Variants in BLTP2 observed in about 807,000 individuals in gnomAD.
The protein encoded by BLTP2 is bridge-like lipid transfer protein family member 2.
At chr17:28,616,368 A>G in the BLTP2 span, 1 of 1,614,144 alleles carries the variant, frequency 6.2e-7, no homozygotes, top group East Asian at 2.2e-5. This position sits in a 1 kb window ranked among gnomAD's most constrained non-coding sequence, Gnocchi z 4.8. Context: ...CATCAGGGGC[A>G]TGTTTGGTAC....
At chr17:28,626,538 T>C in the BLTP2 span, among the ~76,000 whole-genome samples, 4 of 152,080 alleles carry the variant, frequency 2.6e-5, no homozygotes, top group Non-Finnish European at 5.9e-5. Context: ...CCAGGCAGGA[T>C]TAGAGGGTTA....
chr17:28,617,045 G>C, the BLTP2 span: 1 of 1,432,884 alleles, frequency 7.0e-7, no homozygotes, highest in Admixed American at 1.9e-5. Flanking sequence ...TGTCCTTCCT[G>C]CCATAAAGCA....
the BLTP2 span, chr17:28,617,038 C>T: frequency 6.8e-7 from 1 of 1,479,262 alleles, no homozygotes; most frequent in Admixed American, 1.9e-5. Flanking sequence ...AACCCAATGT[C>T]CTTCCTGCCA....
At chr17:28,644,552 C>A in the BLTP2 span, among the ~76,000 whole-genome samples, 1 of 152,230 alleles carries the variant, frequency 6.6e-6, no homozygotes, top group Non-Finnish European at 1.5e-5. Context: ...CTGTCTCCTG[C>A]TCCCACCCTC....
At chr17:28,640,455 T>C in the BLTP2 span, 3 of 1,203,096 alleles carry the variant, frequency 2.5e-6, no homozygotes, top group East Asian at 7.1e-5. Context: ...TTCTACTTCC[T>C]TTCTCCCCGT....
the BLTP2 span, chr17:28,634,948 A>G: frequency 1.2e-6 from 2 of 1,613,620 alleles, no homozygotes; most frequent in Non-Finnish European, 1.7e-6. Context: ...ATCCAAGAAA[A>G]CCCATGAGAA....
At chr17:28,633,074 G>T in the BLTP2 span, 1 of 1,592,436 alleles carries the variant, frequency 6.3e-7, no homozygotes, top group South Asian at 1.1e-5. Context: ...GTGACACTAT[G>T]GTGATCATGG....
At chr17:28,625,364 A>G in the BLTP2 span, among the ~76,000 whole-genome samples, 1 of 150,550 alleles carries the variant, frequency 6.6e-6, no homozygotes, top group South Asian at 2.1e-4. Flanking sequence ...AAAAAGAAAA[A>G]GAAAAAGAAA....
At chr17:28,642,099 T>C in the BLTP2 span, 1 of 1,610,170 alleles carries the variant, frequency 6.2e-7, no homozygotes, top group East Asian at 2.2e-5. Flanking sequence ...GATAAGCCTC[T>C]AAGGTGTATG....
chr17:28,632,043 C>A, the BLTP2 span: 1 of 1,611,710 alleles, frequency 6.2e-7, no homozygotes, highest in Non-Finnish European at 8.5e-7. Flanking sequence ...GACATCAGTG[C>A]CTTACCTGCA....
At chr17:28,617,112 A>T in the BLTP2 span, 4 of 1,179,436 alleles carry the variant, frequency 3.4e-6, no homozygotes, top group African/African-American at 6.1e-5. Context: ...AAGCTGGGCA[A>T]GCTTTCACCC....
the BLTP2 span, among the ~76,000 whole-genome samples, chr17:28,642,700 A>G: frequency 6.6e-6 from 1 of 152,008 alleles, no homozygotes; most frequent in East Asian, 1.9e-4. Flanking sequence ...CTCACCACTT[A>G]CCTCCAGTCA....
the BLTP2 span, chr17:28,641,945 TGGAAGA>T: frequency 6.2e-7 from 1 of 1,614,072 alleles, no homozygotes; most frequent in Non-Finnish European, 8.5e-7. Flanking sequence ...CAGTTGGCTC[TGGAAGA>T]GGCCCTCATG....
the BLTP2 span, among the ~76,000 whole-genome samples, chr17:28,630,932 GA>G: frequency 6.6e-6 from 1 of 152,012 alleles, no homozygotes; most frequent in Non-Finnish European, 1.5e-5. Context: ...AGGAGAGAAA[GA>G]AAAAGTATTT....
At chr17:28,624,920 TGG>T in the BLTP2 span, among the ~76,000 whole-genome samples, 1 of 152,276 alleles carries the variant, frequency 6.6e-6, no homozygotes, top group South Asian at 2.1e-4. Flanking sequence ...ACAGAGTGTA[TGG>T]TTAAGAGCAC....
the BLTP2 span, among the ~76,000 whole-genome samples, chr17:28,629,803 CAG>C: frequency 6.6e-6 from 1 of 151,714 alleles, no homozygotes; most frequent in Non-Finnish European, 1.5e-5. Context: ...TTAGTAGAGA[CAG>C]GGTTTCACCA....
At chr17:28,638,331 G>A in the BLTP2 span, 2 of 1,614,046 alleles carry the variant, frequency 1.2e-6, no homozygotes, top group South Asian at 2.2e-5. Flanking sequence ...CTGAATGTGG[G>A]AGTCACTGCC....
At chr17:28,637,821 CCTT>C in the BLTP2 span, 1 of 1,611,020 alleles carries the variant, frequency 6.2e-7, no homozygotes, top group Non-Finnish European at 8.5e-7. Flanking sequence ...AGTATAGACT[CCTT>C]GTCCCACTTA....
chr17:28,635,514 T>C, the BLTP2 span: 1 of 1,614,162 alleles, frequency 6.2e-7, no homozygotes, highest in Non-Finnish European at 8.5e-7. Flanking sequence ...TGGCTCTTAG[T>C]AGGTCTCGGC....
Sources: gnomAD v4.1 joint callset for allele counts (sites outside exome capture counted in the v4.1 genomes callset) on GRCh38, gnomAD v4.1.1 for gene constraint, Gnocchi (gnomAD v3.1) non-coding constraint, MANE v1.5 for transcripts, NCBI Gene and HGNC (gene_info 2026-07-23, HGNC 2026-07-21) for gene names.